Variants in MAGI2 observed in about 807,000 individuals in gnomAD.
MAGI2 encodes membrane associated guanylate kinase, WW and PDZ domain containing 2.
In MAGI2, 35 loss-of-function variants were observed where a neutral mutation model predicts 133.3. The observed-to-expected ratio is 0.26, with a 90% confidence interval of 0.20 to 0.35. The LOEUF is 0.35. Ranked by LOEUF, MAGI2 falls within the 10% of genes least tolerant of loss-of-function variation. The pLI, the probability that MAGI2 is intolerant of heterozygous loss-of-function variation, is 1.00. For missense variants in MAGI2, 1,636 were observed against 1,863.4 expected (o/e 0.88, Z 2.25); for synonymous variants, 729 against 710.6 (o/e 1.03, Z -0.41).
At chr7:79,303,882 T>G (rs988251075) in intron 1 of MAGI2, among the ~76,000 whole-genome samples, 3 of 152,182 alleles carry the variant, frequency 2.0e-5, no homozygotes, top group African/African-American at 7.2e-5. Flanking sequence ...GTTAATGTGT[T>G]GCTAGATCAT....
chr7:79,366,045 C>T (rs1842689543), intron 1 of MAGI2, among the ~76,000 whole-genome samples: 1 of 150,814 alleles, frequency 6.6e-6, no homozygotes, highest in East Asian at 2.0e-4. Context: ...GGTTGGAGAC[C>T]AGCCTGGGCA....
chr7:78,611,072 A>G (rs1391209409), intron 3 of MAGI2, among the ~76,000 whole-genome samples: 1 of 152,214 alleles, frequency 6.6e-6, no homozygotes, highest in Non-Finnish European at 1.5e-5. Flanking sequence ...TTGAAGAAAC[A>G]TTGTAAAATT....
chr7:79,453,411 A>AG lies in MAGI2; in HGVS notation c.-92dup, dbSNP rs1849436399. 6.6e-7 allele frequency: 1 copy of AG among 1,510,356 alleles called. No individual in the cohort carries two copies. Among genetic ancestry groups the AG allele is most frequent in the African/African-American group, 1.4e-5 (1 of 71,602 alleles). The allele number at this position is 1,510,356 out of a possible 1,614,324, so 93.6% of individuals were successfully genotyped here. A position where few individuals can be genotyped will look rare whatever the true frequency, so the allele number is the denominator to read the frequency against. On this transcript the variant is annotated 5_prime_UTR_variant, in exon 1 of 22. Coordinates refer to ENST00000354212, the MANE Select transcript of MAGI2 (RefSeq NM_012301.4). ...TGAGGATGGAGGAGCAAGGGGGCCC[A>AG]GGGGGAAGAACAGCAGACTTTGCCT...
At chr7:78,834,009 A>T (rs1791410859) in intron 2 of MAGI2, among the ~76,000 whole-genome samples, 1 of 152,172 alleles carries the variant, frequency 6.6e-6, no homozygotes, top group Non-Finnish European at 1.5e-5. Flanking sequence ...TTTAAAATTC[A>T]GTTTTTGGAG....
intron 20 of MAGI2, among the ~76,000 whole-genome samples, chr7:78,091,042 A>ATGTGTG (rs754389330): frequency 9.6e-6 from 1 of 103,858 alleles, no homozygotes; most frequent in East Asian, 2.1e-4. Flanking sequence ...ACTGATGTGT[A>ATGTGTG]TGTGTGTGTA....
At chr7:78,630,442 G>A (rs1489182128) in intron 2 of MAGI2, among the ~76,000 whole-genome samples, 19 of 120,316 alleles carry the variant, frequency 1.6e-4, no homozygotes, top group Non-Finnish European at 1.1e-4. Context: ...TTGAGACAGA[G>A]TCTTGCTCTG....
At chr7:78,606,725 T>C (rs933063882) in intron 3 of MAGI2, among the ~76,000 whole-genome samples, 1 of 152,258 alleles carries the variant, frequency 6.6e-6, no homozygotes, top group Admixed American at 6.5e-5. Context: ...TTGAATTTTA[T>C]GGCATCAATA....
At chr7:78,128,284 C>T (rs902091207) in intron 18 of MAGI2, among the ~76,000 whole-genome samples, 9 of 152,200 alleles carry the variant, frequency 5.9e-5, no homozygotes, top group African/African-American at 2.2e-4. Context: ...ATAGCCAATC[C>T]CTACCATTAT....
intron 1 of MAGI2, among the ~76,000 whole-genome samples, chr7:79,089,531 A>G (rs916432232): frequency 1.3e-5 from 2 of 151,922 alleles, no homozygotes; most frequent in African/African-American, 2.4e-5. Flanking sequence ...ACTGTTTACA[A>G]TAGCAAAGAC....
At chr7:78,400,350 T>G (rs1229059698) in intron 6 of MAGI2, among the ~76,000 whole-genome samples, 1 of 103,820 alleles carries the variant, frequency 9.6e-6, no homozygotes, top group Admixed American at 8.4e-5. Flanking sequence ...ATCTACTTAC[T>G]TCAGTCATTT....
chr7:78,455,719 G>C (rs1009553804), intron 6 of MAGI2, among the ~76,000 whole-genome samples: 1 of 152,028 alleles, frequency 6.6e-6, no homozygotes, highest in Non-Finnish European at 1.5e-5. Context: ...TTGTTAGTTT[G>C]TTATTTCTCA....
intron 4 of MAGI2, among the ~76,000 whole-genome samples, chr7:78,503,471 C>A (rs185245828): frequency 6.6e-6 from 1 of 151,434 alleles, no homozygotes; most frequent in African/African-American, 2.4e-5. Flanking sequence ...CTTCCCCCAT[C>A]CTGTTCTTGT....
intron 2 of MAGI2, among the ~76,000 whole-genome samples, chr7:78,640,680 G>A (rs979532924): frequency 2.6e-5 from 4 of 152,210 alleles, no homozygotes; most frequent in Admixed American, 6.5e-5. Context: ...CCCTCACGGG[G>A]AGCAACTGGC....
intron 10 of MAGI2, among the ~76,000 whole-genome samples, chr7:78,201,770 A>G (rs1829275865): frequency 1.3e-5 from 2 of 152,216 alleles, no homozygotes; most frequent in African/African-American, 2.4e-5. Flanking sequence ...GTGCTAGCAG[A>G]CATTTTGTGT....
intron 6 of MAGI2, among the ~76,000 whole-genome samples, chr7:78,442,697 A>C (rs1271784828): frequency 6.6e-6 from 1 of 152,192 alleles, no homozygotes; most frequent in African/African-American, 2.4e-5. Context: ...CAGACAACAT[A>C]TTATTGATAC....
chr7:78,031,882 G>A (rs536111295), intron 21 of MAGI2, among the ~76,000 whole-genome samples: 3 of 151,928 alleles, frequency 2.0e-5, no homozygotes, highest in East Asian at 1.9e-4. Context: ...TGATCTCTTC[G>A]TCTCCTCTGT....
chr7:78,396,604 T>C (rs1443603252), intron 6 of MAGI2, among the ~76,000 whole-genome samples: 1 of 152,196 alleles, frequency 6.6e-6, no homozygotes, highest in East Asian at 1.9e-4. Flanking sequence ...TTTATTTTAT[T>C]AGCATTTTCT....
At chr7:78,853,288 A>G (rs1041913409) in intron 2 of MAGI2, among the ~76,000 whole-genome samples, 1 of 120,656 alleles carries the variant, frequency 8.3e-6, no homozygotes, top group Non-Finnish European at 1.7e-5. Flanking sequence ...CCATTAACCC[A>G]CCGTGTCTAA....
intron 3 of MAGI2, among the ~76,000 whole-genome samples, chr7:78,536,324 G>A (rs1797919734): frequency 6.6e-6 from 1 of 150,986 alleles, no homozygotes; most frequent in Non-Finnish European, 1.5e-5. Flanking sequence ...GTTTTAGCCG[G>A]GATGGTCTCG....
Sources: gnomAD v4.1 joint callset for allele counts (sites outside exome capture counted in the v4.1 genomes callset) on GRCh38, gnomAD v4.1.1 for gene constraint, MANE v1.5 for transcripts, NCBI Gene and HGNC (gene_info 2026-07-23, HGNC 2026-07-21) for gene names.